PARVB: variants seen among roughly 807,000 people sequenced by gnomAD.
PARVB encodes parvin beta.
Under a neutral mutation model 47.0 loss-of-function variants are expected in PARVB, and 46 were observed. The observed-to-expected ratio is 0.98, with a 90% CI of 0.77 to 1.25. PARVB has a LOEUF of 1.25. Among genes scored for constraint, PARVB ranks in the 50% most tolerant of loss-of-function variants. The probability of loss-of-function intolerance (pLI) is 0.00; values close to 1 mark genes in which losing one functional copy is unlikely to be tolerated. For missense variants in PARVB, 473 were observed against 471.6 expected (o/e 1.00, Z -0.03); for synonymous variants, 196 against 196.3 (o/e 1.00, Z 0.01).
intron 1 of PARVB, among the ~76,000 whole-genome samples, chr22:44,058,456 C>T (rs2051355640): frequency 6.6e-6 from 1 of 152,122 alleles, no homozygotes; most frequent in Non-Finnish European, 1.5e-5. Flanking sequence ...CACCGCAGTC[C>T]AGTATGACCT....
At chr22:44,087,196 T>C (rs2052043907) in intron 1 of PARVB, among the ~76,000 whole-genome samples, 1 of 152,240 alleles carries the variant, frequency 6.6e-6, no homozygotes, top group Non-Finnish European at 1.5e-5. Flanking sequence ...GTTTTCTCTT[T>C]GATCCTGGTT....
intron 4 of PARVB, among the ~76,000 whole-genome samples, chr22:44,120,278 C>G (rs1248895774): frequency 6.6e-6 from 1 of 152,218 alleles, no homozygotes; most frequent in East Asian, 1.9e-4. Flanking sequence ...CCCCACGATG[C>G]CTTTTGTTTG....
chr22:44,070,473 C>T lies in PARVB; in HGVS notation c.113-23455C>T, dbSNP rs75510259. On this transcript the variant is annotated intron_variant, in intron 1 of 12. Transcript: ENST00000338758. Reference sequence around the variant, plus strand: ...GCCTGGGTATCCTTAAGGAGAGGGACGCTGTGCCTGGGACGCAGATGAACA... The same window carrying T: ...GCCTGGGTATCCTTAAGGAGAGGGATGCTGTGCCTGGGACGCAGATGAACA... Among the ~76,000 whole-genome samples the T allele has an allele frequency of 3.7e-3, 565 of 152,274 alleles. 3 individuals carry two copies. The highest frequency in any genetic ancestry group is 0.013 in the African/African-American group (530 of 41,550).
chr22:44,169,898 G>A lies in PARVB; in HGVS notation c.*1220G>A, dbSNP rs186556964. The A allele has an allele frequency of 1.3e-5, 2 of 149,602 alleles. No homozygotes were observed. Among genetic ancestry groups the A allele is most frequent in the East Asian group, 3.9e-4 (2 of 5,158 alleles). The allele number at this position is 149,602 out of a possible 1,614,324, so 9.3% of individuals were successfully genotyped here. A position where few individuals can be genotyped will look rare whatever the true frequency, so the allele number is the denominator to read the frequency against. On this transcript the variant is annotated 3_prime_UTR_variant, in exon 13 of 13. Transcript: ENST00000338758. ...TTTTTGTATTTTTAGTAGAGACGGG[G>A]TTTCACCATGTTGGCCAGGATGGTC...
chr22:44,119,008 C>T, intron 3 of PARVB, 30 bp from the exon 4 acceptor site: 3 of 1,490,570 alleles, frequency 2.0e-6, no homozygotes, highest in Non-Finnish European at 2.8e-6. Flanking sequence ...CGCTGGTGGA[C>T]TGAGGCCATA....
chr22:44,059,194 C>T (rs1416519789), intron 1 of PARVB, among the ~76,000 whole-genome samples: 2 of 151,716 alleles, frequency 1.3e-5, no homozygotes, highest in African/African-American at 2.4e-5. Flanking sequence ...TACAGACATC[C>T]GCCACCACAC....
intron 3 of PARVB, chr22:44,106,578 C>T (rs1246573430): frequency 1.3e-5 from 2 of 152,106 alleles, no homozygotes; most frequent in Non-Finnish European, 2.9e-5. Context: ...GTGGCCATTG[C>T]TTGTAGCCAC....
intron 2 of PARVB, among the ~76,000 whole-genome samples, chr22:44,004,403 C>T (rs999238735): frequency 1.3e-5 from 2 of 152,220 alleles, no homozygotes; most frequent in East Asian, 3.9e-4. Flanking sequence ...TGTGACCCCC[C>T]CCTTACTCTC....
chr22:44,109,728 A>G (rs1439857614), intron 3 of PARVB: 1 of 149,806 alleles, frequency 6.7e-6, no homozygotes, highest in Admixed American at 6.7e-5. Context: ...TCCAGATGTG[A>G]CTTTTTTTTT....
At chr22:44,154,846 T>C (rs2053890401) in intron 10 of PARVB, among the ~76,000 whole-genome samples, 1 of 146,024 alleles carries the variant, frequency 6.8e-6, no homozygotes, top group South Asian at 2.2e-4. Flanking sequence ...GTGTGTGTGG[T>C]TTATGCAGTC....
Position 44,054,932 on chromosome 22 carries a change from G to A in PARVB, c.112+30481G>A, listed in dbSNP as rs148684805. Among the ~76,000 whole-genome samples, 460 of 145,866 alleles carry A rather than the reference G, an allele frequency of 3.2e-3. 18 individuals are homozygous for A. In the East Asian group the frequency reaches 0.085, roughly 27 times the overall value. The stretch of plus-strand genomic sequence containing the variant: ...TTGAACCCAGGAGGCAGAGGTTGCC[G>A]TGAGCCGAGATTGCGCCATTGCACT... On this transcript the variant is annotated intron_variant, in intron 1 of 12. Transcript: ENST00000338758.
chr22:44,082,766 T>G (rs556619765), intron 1 of PARVB, among the ~76,000 whole-genome samples: 1 of 152,188 alleles, frequency 6.6e-6, no homozygotes, highest in African/African-American at 2.4e-5. Flanking sequence ...TTTCTGTGGT[T>G]CTAACATTTT....
chr22:44,129,189 C>T (rs893374530), intron 4 of PARVB, among the ~76,000 whole-genome samples: 13 of 152,208 alleles, frequency 8.5e-5, no homozygotes, highest in Non-Finnish European at 2.9e-5. Context: ...GATTAGGACA[C>T]AGACATGCAC....
At chr22:44,104,669 TGGGTAGGGGTGAGC>T (rs1235360584) in intron 3 of PARVB, 1 of 152,218 alleles carries the variant, frequency 6.6e-6, no homozygotes, top group East Asian at 1.9e-4. Context: ...TATGCGTGTG[TGGGTAGGGGTGAGC>T]AGGTGTCATT....
intron 12 of PARVB, among the ~76,000 whole-genome samples, chr22:44,165,561 C>T (rs2054149139): frequency 6.6e-6 from 1 of 152,242 alleles, no homozygotes; most frequent in Admixed American, 6.5e-5. Context: ...TGCTTTGCCT[C>T]TCCCCAGCTG....
intron 1 of PARVB, among the ~76,000 whole-genome samples, chr22:44,058,549 ATTTTTTTTT>A (rs35947294): frequency 1.9e-3 from 181 of 96,036 alleles, no homozygotes; most frequent in African/African-American, 7.3e-3. Flanking sequence ...GTGGACGTGG[ATTTTTTTTT>A]TTTTTTTTTT....
intron 9 of PARVB, chr22:44,149,465 G>A (rs2053755417): frequency 6.6e-6 from 1 of 152,066 alleles, no homozygotes; most frequent in South Asian, 2.1e-4. Flanking sequence ...TTTCTCCCTG[G>A]GTCGTCCCCT....
chr22:44,170,877 C>A lies in PARVB; in HGVS notation c.*2199C>A, dbSNP rs960055535. The A allele has an allele frequency of 6.6e-6, 1 of 152,230 alleles. No homozygotes were observed. The highest frequency in any genetic ancestry group is 1.5e-5 in the Non-Finnish European group (1 of 68,040). 9.4% of individuals were successfully genotyped at this position (152,230 alleles called of 1,614,324 possible). A position where few individuals can be genotyped will look rare whatever the true frequency, so the allele number is the denominator to read the frequency against. On this transcript the variant is annotated 3_prime_UTR_variant, in exon 13 of 13. Transcript: ENST00000338758. ...TTTGATATGAAATCGAATGCCAACACCGAAGTTTTAGAAAACAGTTTAATA... is the reference window on the plus strand; with the variant it reads ...TTTGATATGAAATCGAATGCCAACAACGAAGTTTTAGAAAACAGTTTAATA...
intron 1 of PARVB, among the ~76,000 whole-genome samples, chr22:44,040,819 C>T (rs545778514): frequency 3.3e-5 from 5 of 151,362 alleles, no homozygotes; most frequent in Admixed American, 1.3e-4. Flanking sequence ...ATCGAGACCA[C>T]GGTGAAACCC....
Sources: gnomAD v4.1 joint callset for allele counts (sites outside exome capture counted in the v4.1 genomes callset) on GRCh38, gnomAD v4.1.1 for gene constraint, MANE v1.5 for transcripts, NCBI Gene and HGNC (gene_info 2026-07-23, HGNC 2026-07-21) for gene names.